BTC: variants seen among roughly 807,000 people sequenced by gnomAD.
BTC encodes probetacellulin.
In BTC, 13 loss-of-function variants were observed where a neutral mutation model predicts 18.1. The observed-to-expected ratio is 0.72, with a 90% confidence interval of 0.47 to 1.14. The LOEUF (loss-of-function observed/expected upper bound fraction) is 1.14. BTC is among the 50% of genes most tolerant of loss of function. The probability of loss-of-function intolerance (pLI) is 0.00; values close to 1 mark genes in which losing one functional copy is unlikely to be tolerated. For synonymous variants in BTC, 83 were observed against 79.4 expected (o/e 1.05, Z -0.24); for missense variants, 247 against 224.2 (o/e 1.10, Z -0.65).
At chr4:74,765,382 G>A (rs58012001) in intron 2 of BTC, among the ~76,000 whole-genome samples, 4,894 of 151,998 alleles carry the variant, frequency 0.032, 244 homozygotes, top group African/African-American at 0.11. Context: ...TATGTCAAGC[G>A]AAAGACAGAA....
chr4:74,779,910 G>A (rs934662005), intron 1 of BTC, among the ~76,000 whole-genome samples: 1 of 152,090 alleles, frequency 6.6e-6, no homozygotes, highest in Non-Finnish European at 1.5e-5. Context: ...GAATATCTTA[G>A]GTATCAGGTG....
chr4:74,777,713 A>C (rs567835856), intron 1 of BTC, among the ~76,000 whole-genome samples: 1 of 152,268 alleles, frequency 6.6e-6, no homozygotes, highest in Non-Finnish European at 1.5e-5. Context: ...GAGTTCTGCC[A>C]GTGACTCAGC....
chr4:74,769,369 C>T (rs1392019130), intron 2 of BTC, among the ~76,000 whole-genome samples: 1 of 152,168 alleles, frequency 6.6e-6, no homozygotes, highest in Non-Finnish European at 1.5e-5. Flanking sequence ...ATCTGGCCCA[C>T]AGCCTGTTTC....
At chr4:74,779,748 G>A (rs950425483) in intron 1 of BTC, among the ~76,000 whole-genome samples, 3 of 152,130 alleles carry the variant, frequency 2.0e-5, no homozygotes, top group Non-Finnish European at 4.4e-5. Flanking sequence ...AGATTTCAGA[G>A]TAGATGCTCA....
At position 74,746,092 on chromosome 4, in the gene BTC, G is replaced by T. The variant is rs1553955455; in HGVS notation, c.*585C>A. On this transcript the variant is annotated 3_prime_UTR_variant, in exon 6 of 6. Transcript: ENST00000395743. ...TATTGAGTTAGGTTGCACCGATTCA[G>T]ACTAACAAAAATGATGGTTAAGAGC... 6.6e-6 allele frequency: 1 copy of T among 152,128 alleles called. No homozygotes were observed. Among genetic ancestry groups the T allele is most frequent in the East Asian group, 1.9e-4 (1 of 5,196 alleles). The allele number at this position is 152,128 out of a possible 1,614,324, so 9.4% of individuals were successfully genotyped here. A position where few individuals can be genotyped will look rare whatever the true frequency, so the allele number is the denominator to read the frequency against.
At chr4:74,753,908 T>C (rs1049205258) in intron 3 of BTC, among the ~76,000 whole-genome samples, 3 of 152,226 alleles carry the variant, frequency 2.0e-5, no homozygotes, top group African/African-American at 7.2e-5. Flanking sequence ...GTTGGAACTT[T>C]AAAAATTATG....
At chr4:74,770,300 G>A (rs1181353673) in intron 1 of BTC, 144 bp from the exon 2 acceptor site, 1 of 633,608 alleles carries the variant, frequency 1.6e-6, no homozygotes, top group Non-Finnish European at 2.7e-6. Flanking sequence ...CCCAGGAAGG[G>A]ATACAGAGGC....
At chr4:74,755,063 A>C (rs1392583019) in intron 3 of BTC, among the ~76,000 whole-genome samples, 1 of 152,048 alleles carries the variant, frequency 6.6e-6, no homozygotes, top group Non-Finnish European at 1.5e-5. Context: ...AAATATATTT[A>C]AGTTTTTAAA....
At chr4:74,753,818 C>T (rs1553956441) in intron 3 of BTC, among the ~76,000 whole-genome samples, 3 of 93,828 alleles carry the variant, frequency 3.2e-5, no homozygotes, top group Non-Finnish European at 7.2e-5. Flanking sequence ...GACCTTCTCT[C>T]CAAAAAAAGA....
At chr4:74,771,667 T>C in intron 1 of BTC, among the ~76,000 whole-genome samples, 1 of 152,180 alleles carries the variant, frequency 6.6e-6, no homozygotes, top group East Asian at 1.9e-4. Context: ...GAAATGTACC[T>C]AACATGGGTA....
chr4:74,768,699 C>T (rs886419727), intron 2 of BTC, among the ~76,000 whole-genome samples: 5 of 151,978 alleles, frequency 3.3e-5, no homozygotes, highest in Non-Finnish European at 7.4e-5. Context: ...ATTGTATTGT[C>T]CACTTTAAGA....
At chr4:74,775,765 C>T (rs1440627970) in intron 1 of BTC, among the ~76,000 whole-genome samples, 1 of 152,198 alleles carries the variant, frequency 6.6e-6, no homozygotes, top group Non-Finnish European at 1.5e-5. Flanking sequence ...TCCTTGGAAT[C>T]ACCTAAAATA....
In BTC at chr4:74,794,351, G is replaced by C; in HGVS notation, c.-26C>G. On this transcript the variant is annotated 5_prime_UTR_variant, in exon 1 of 6. Coordinates refer to ENST00000395743, the MANE Select transcript of BTC (RefSeq NM_001729.4). ...CAACCCCGCTCTGCCGGGCCGGGCA[G>C]CCCCTAGACAAGTCTCCCTCCTTCT... 5 of 1,529,548 alleles carry C rather than the reference G, an allele frequency of 3.3e-6. No homozygotes were observed. The highest frequency in any genetic ancestry group is 3.5e-6 in the Non-Finnish European group (4 of 1,138,174). The allele number at this position is 1,529,548 out of a possible 1,614,324, so 94.7% of individuals were successfully genotyped here.
At chr4:74,778,599 T>G (rs1725237656) in intron 1 of BTC, among the ~76,000 whole-genome samples, 1 of 152,066 alleles carries the variant, frequency 6.6e-6, no homozygotes, top group Non-Finnish European at 1.5e-5. Context: ...ATTCATACCT[T>G]GAAGCAGTCC....
chr4:74,778,689 C>T (rs1725239991), intron 1 of BTC, among the ~76,000 whole-genome samples: 1 of 152,136 alleles, frequency 6.6e-6, no homozygotes, highest in Admixed American at 6.6e-5. Flanking sequence ...TCAAAATTCA[C>T]CCCACTGAGT....
intron 2 of BTC, among the ~76,000 whole-genome samples, chr4:74,763,142 T>C (rs2109892489): frequency 6.6e-6 from 1 of 152,296 alleles, no homozygotes; most frequent in African/African-American, 2.4e-5. Flanking sequence ...TGTATAACTG[T>C]TTTTAAGCCC....
chr4:74,750,567 A>T lies in BTC; in HGVS notation c.428+6T>A, dbSNP rs1381443790. 1.9e-6 allele frequency: 3 copies of T among 1,600,476 alleles called. No homozygotes were observed. Among genetic ancestry groups the T allele is most frequent in the Non-Finnish European group, 2.6e-6 (3 of 1,176,070 alleles). ...TTTACTTAAAATTAAGTTTAAAAAT[A>T]CTTACTGACAGCATGTGCAGACACC... On this transcript the variant is annotated splice_donor_region_variant and intron_variant, in intron 4 of 5. Coordinates refer to ENST00000395743, the MANE Select transcript of BTC (RefSeq NM_001729.4).
intron 3 of BTC, among the ~76,000 whole-genome samples, chr4:74,752,014 G>A (rs1174099098): frequency 3.3e-5 from 5 of 152,158 alleles, no homozygotes; most frequent in Admixed American, 6.5e-5. Context: ...CGGCTGGGCT[G>A]TTCTATAGCT....
At chr4:74,748,234 G>T (rs1724343638) in intron 4 of BTC, 85 bp from the exon 5 acceptor site, 2 of 870,090 alleles carry the variant, frequency 2.3e-6, no homozygotes, top group African/African-American at 1.7e-5. Flanking sequence ...CTATGATCAG[G>T]TTTCTTTTTT....
Sources: allele counts gnomAD v4.1 joint callset (sites outside exome capture counted in the v4.1 genomes callset), GRCh38; gene constraint gnomAD v4.1.1; transcripts MANE v1.5; gene names NCBI Gene and HGNC (gene_info 2026-07-23, HGNC 2026-07-21).